The following GPATCH11 variants were observed in gnomAD, a reference collection of about 807,000 sequenced individuals.
GPATCH11 encodes the protein G patch domain-containing protein 11.
Under a neutral mutation model 44.8 loss-of-function variants are expected in GPATCH11, and 32 were observed. The ratio of observed to expected loss-of-function variants is 0.71; its 90% CI spans 0.54 to 0.96. The LOEUF (loss-of-function observed/expected upper bound fraction) is 0.96. Ranked by LOEUF, GPATCH11 falls within the 40% of genes least tolerant of loss-of-function variation. GPATCH11 has a pLI of 0.00. For synonymous variants in GPATCH11, 84 were observed against 94.4 expected, an observed-to-expected ratio of 0.89 and a Z score of 0.64; for missense variants, 324 against 303.1, an observed-to-expected ratio of 1.07 and a Z score of -0.51.
chr2:37,094,144 T>A lies in GPATCH11; in HGVS notation c.603T>A (p.Asp201Glu), dbSNP rs754266036. The change falls in exon 7 of 9, where the codon GAT (aspartate) becomes GAA (glutamate). Residue 201 changes from aspartate to glutamate, a missense_variant. Transcript: ENST00000674370. ...GGCTTGAAGAGGAGACTGAAGAAGA[T>A]GAAGAAGAAAAAGAACAGGATGAAG... is the stretch of plus-strand genomic sequence containing the variant. ...WLRLEEETEE[D>E]EEEKEQDEDE... 10 of 1,587,088 alleles carry A rather than the reference T, an allele frequency of 6.3e-6. No individual in the cohort carries two copies. The East Asian group carries it at 2.0e-4, about 32-fold the overall frequency.
At chr2:37,090,176 G>C (rs1259925181) in intron 3 of GPATCH11, among the ~76,000 whole-genome samples, 1 of 152,196 alleles carries the variant, frequency 6.6e-6, no homozygotes, top group African/African-American at 2.4e-5. Context: ...AAGTGCAATG[G>C]CTAAATACAT....
chr2:37,086,022 C>G (rs1244111161), intron 1 of GPATCH11, among the ~76,000 whole-genome samples: 1 of 152,198 alleles, frequency 6.6e-6, no homozygotes, highest in Admixed American at 6.5e-5. Context: ...TGACCACTGA[C>G]TTCCTTCAAG....
chr2:37,099,239 G>C lies in GPATCH11; in HGVS notation c.*2976G>C, dbSNP rs773431516. ...TTTTTCTAATAAACATTTATTTCAA[G>C]TGTTATTTGTTAAACATTTAATTGT... is the stretch of plus-strand genomic sequence containing the variant. On this transcript the variant is annotated 3_prime_UTR_variant, in exon 9 of 9. Coordinates refer to ENST00000674370, the MANE Select transcript of GPATCH11 (RefSeq NM_174931.4). The C allele has an allele frequency of 5.9e-5, 9 of 152,124 alleles. No individual in the cohort carries two copies. The highest frequency in any genetic ancestry group is 8.8e-5 in the Non-Finnish European group (6 of 68,022). 9.4% of individuals were successfully genotyped at this position (152,124 alleles called of 1,614,324 possible). A position where few individuals can be genotyped will look rare whatever the true frequency, so the allele number is the denominator to read the frequency against.
In GPATCH11 at chr2:37,096,226, CA is replaced by C. The variant is rs1340505422; in HGVS notation, c.758del (p.Asn253IlefsTer21). ...CTTACAGATAAAGAAGACCTATCTTCAAATTGTCCAGGACCAACTTCTGCAG... is the reference window on the plus strand; with the variant it reads ...CTTACAGATAAAGAAGACCTATCTTCAATTGTCCAGGACCAACTTCTGCAG... ...TAYEDKEDLS[S>X]NCPGPTSADH... On this transcript the variant is annotated frameshift_variant, in exon 9 of 9. Coordinates refer to ENST00000674370, the MANE Select transcript of GPATCH11 (RefSeq NM_174931.4). LOFTEE classifies it high-confidence loss of function. 1 of 1,586,652 alleles carries C rather than the reference CA, an allele frequency of 6.3e-7. No homozygotes were observed.
Position 37,092,029 on chromosome 2 carries a change from C to G in GPATCH11, c.442C>G (p.Gln148Glu). 1.2e-6 allele frequency: 2 copies of G among 1,612,690 alleles called. No individual in the cohort carries two copies. Among genetic ancestry groups the G allele is most frequent in the Non-Finnish European group, 1.7e-6 (2 of 1,179,134 alleles). ...KNQAEEKAAE[Q>E]FRMRLKNKQD... ...CCAAGCTGAAGAAAAAGCTGCAGAA[C>G]AGTTTCGGTAAAACTATTTTTGAGC... Residue 148 changes from glutamine to glutamate, a missense_variant, in exon 5 of 9, where the codon CAG becomes GAG. Gln to Glu is a conservative substitution (Grantham distance 29, BLOSUM62 2). Coordinates refer to ENST00000674370, the MANE Select transcript of GPATCH11 (RefSeq NM_174931.4).
rs765264089 is a variant in GPATCH11, at chr2:37,089,867, G to T, written c.286+1G>T. 6 of 1,546,394 alleles carry T rather than the reference G, an allele frequency of 3.9e-6. No individual in the cohort carries two copies. The highest frequency in any genetic ancestry group is 5.3e-6 in the Non-Finnish European group (6 of 1,142,624). On this transcript the variant is annotated splice_donor_variant, in intron 3 of 8. Transcript: ENST00000674370. LOFTEE classifies it high-confidence loss of function. ...AGTGGTCAGGCACTTGGCAAGAGTG[G>T]TAAGTCACATGTGGAAATAAACAGG...
At position 37,089,754 on chromosome 2, in the gene GPATCH11, A is replaced by C. The variant is rs1186619542; in HGVS notation, c.174A>C (p.Glu58Asp). The C allele has an allele frequency of 1.3e-6, 2 of 1,551,848 alleles. No individual in the cohort carries two copies. Among genetic ancestry groups the C allele is most frequent in the Admixed American group, 2.0e-5 (1 of 50,994 alleles). Reference sequence around the variant, plus strand: ...ACAGGCAGAAGAGTTTAAAAGAAGAAGAACAAGAAAGACGTGACATTGGGT... The same window carrying C: ...ACAGGCAGAAGAGTTTAAAAGAAGACGAACAAGAAAGACGTGACATTGGGT... ...LKNRQKSLKE[E>D]EQERRDIGLK... Residue 58 changes from glutamate to aspartate, a missense_variant, in exon 3 of 9, where the codon GAA becomes GAC. Transcript: ENST00000674370.
intron 1 of GPATCH11, among the ~76,000 whole-genome samples, chr2:37,086,281 T>C (rs1017437460): frequency 6.6e-6 from 1 of 152,210 alleles, no homozygotes; most frequent in African/African-American, 2.4e-5. Flanking sequence ...TTTTATGTGT[T>C]TTCTGTACGT....
chr2:37,089,855 T>G lies in GPATCH11; in HGVS notation c.275T>G (p.Leu92Arg). 1 of 1,550,700 alleles carries G rather than the reference T, an allele frequency of 6.4e-7. No individual in the cohort carries two copies. The highest frequency in any genetic ancestry group is 8.7e-7 in the Non-Finnish European group (1 of 1,146,342). ...ATGGGCTATAAAAGTGGTCAGGCACTTGGCAAGAGTGGTAAGTCACATGTG... is the reference window on the plus strand; with the variant it reads ...ATGGGCTATAAAAGTGGTCAGGCACGTGGCAAGAGTGGTAAGTCACATGTG... ...QKMGYKSGQALGKSGGGIVEP... is the reference protein window; with the variant it reads ...QKMGYKSGQARGKSGGGIVEP... The change falls in exon 3 of 9, where the codon CTT (leucine) becomes CGT (arginine). Residue 92 changes from leucine to arginine, a missense_variant. Leu to Arg is a moderately radical substitution (Grantham distance 102). Coordinates refer to ENST00000674370, the MANE Select transcript of GPATCH11 (RefSeq NM_174931.4).
intron 7 of GPATCH11, 31 bp downstream of exon 7, chr2:37,094,226 G>A: frequency 7.3e-7 from 1 of 1,362,612 alleles, no homozygotes; most frequent in Non-Finnish European, 1.0e-6. Context: ...TTCATAGGGT[G>A]TCTCAGCCTT....
At chr2:37,091,839 A>T (rs921157749) in intron 4 of GPATCH11, 77 bp from the exon 5 acceptor site, 34 of 1,374,774 alleles carry the variant, frequency 2.5e-5, no homozygotes, top group Non-Finnish European at 3.0e-5. Context: ...ATTGCATTTA[A>T]TTTGTACATA....
At chr2:37,094,018 A>G (rs984203401) in intron 6 of GPATCH11, 64 bp from the exon 7 acceptor site, 6 of 975,132 alleles carry the variant, frequency 6.2e-6, no homozygotes, top group African/African-American at 4.8e-5. Context: ...TCATGTTGAC[A>G]TGAACATATT....
At position 37,096,601 on chromosome 2, in the gene GPATCH11, A is replaced by G; in HGVS notation, c.*338A>G. The G allele has an allele frequency of 4.2e-6, 1 of 237,288 alleles. No individual in the cohort carries two copies. The highest frequency in any genetic ancestry group is 8.1e-6 in the Non-Finnish European group (1 of 123,238). The allele number at this position is 237,288 out of a possible 1,614,324, so 14.7% of individuals were successfully genotyped here. A position where few individuals can be genotyped will look rare whatever the true frequency, so the allele number is the denominator to read the frequency against. On this transcript the variant is annotated 3_prime_UTR_variant, in exon 9 of 9. Transcript: ENST00000674370. ...AGAAATGGGAGTCAGAGGAAGAGAAAAATATCCACTTTATCAGTGAATAAA... is the reference window on the plus strand; with the variant it reads ...AGAAATGGGAGTCAGAGGAAGAGAAGAATATCCACTTTATCAGTGAATAAA...
chr2:37,092,944 G>A lies in GPATCH11; in HGVS notation c.540+689G>A, dbSNP rs1218982237. ...GATGATTATTTCAGCCCAGGAGTTC[G>A]AGACCAGCCTGGATAACATTTCAAG... is the stretch of plus-strand genomic sequence containing the variant. On this transcript the variant is annotated intron_variant, in intron 6 of 8. Transcript: ENST00000674370. Among the ~76,000 whole-genome samples, 3 of 152,096 alleles carry A rather than the reference G, an allele frequency of 2.0e-5. No individual in the cohort carries two copies. The East Asian group carries it at 5.8e-4, about 29-fold the overall frequency.
At chr2:37,085,446 G>A (rs971950133) in intron 1 of GPATCH11, among the ~76,000 whole-genome samples, 1 of 152,222 alleles carries the variant, frequency 6.6e-6, no homozygotes, top group Non-Finnish European at 1.5e-5. Flanking sequence ...TGAAGAATCT[G>A]AGGTTTAGAG....
intron 1 of GPATCH11, among the ~76,000 whole-genome samples, chr2:37,087,899 AC>A (rs1176432442): frequency 6.6e-6 from 1 of 152,246 alleles, no homozygotes; most frequent in East Asian, 1.9e-4. Flanking sequence ...CAGGCTAGTA[AC>A]GTGACCTGAC....
chr2:37,089,435 TG>T (rs1274233135), intron 2 of GPATCH11, among the ~76,000 whole-genome samples: 1 of 152,022 alleles, frequency 6.6e-6, no homozygotes, highest in African/African-American at 2.4e-5. Flanking sequence ...GGCATGGTCG[TG>T]GGCGCCTGTA....
chr2:37,087,738 C>G (rs915211260), intron 1 of GPATCH11, among the ~76,000 whole-genome samples: 17 of 152,150 alleles, frequency 1.1e-4, no homozygotes, highest in African/African-American at 3.9e-4. Flanking sequence ...AATGTTTGTA[C>G]TCTGTTCAGA....
chr2:37,096,145 A>G, intron 8 of GPATCH11, 63 bp from the exon 9 acceptor site: 1 of 980,830 alleles, frequency 1.0e-6, no homozygotes, highest in Non-Finnish European at 1.5e-6. Flanking sequence ...GTTATGTTGA[A>G]ATAATTTTCT....
Sources: gnomAD v4.1 joint callset for allele counts (sites outside exome capture counted in the v4.1 genomes callset) on GRCh38, gnomAD v4.1.1 for gene constraint, MANE v1.5 for transcripts, NCBI Gene and HGNC (gene_info 2026-07-23, HGNC 2026-07-21) for gene names.